Variants in ACSS1 observed in about 807,000 individuals in gnomAD.
The protein encoded by ACSS1 is acyl-CoA synthetase short chain family member 1, also known as acetyl-coenzyme A synthetase 2-like, mitochondrial.
Under a neutral mutation model 75.3 loss-of-function variants are expected in ACSS1, and 42 were observed. That is an observed-to-expected ratio of 0.56 (90% CI 0.44 to 0.72). The LOEUF (loss-of-function observed/expected upper bound fraction) is 0.72, where lower values mean the gene tolerates loss of function less well. Ranked by LOEUF, ACSS1 falls within the 30% of genes least tolerant of loss-of-function variation. ACSS1 has a pLI of 0.00. For missense variants in ACSS1, 782 were observed against 935.7 expected, an observed-to-expected ratio of 0.84 and a Z score of 2.14; for synonymous variants, 380 against 376.8, an observed-to-expected ratio of 1.01 and a Z score of -0.10.
chr20:25,036,152 G>A lies in ACSS1; in HGVS notation c.432-5194C>T, dbSNP rs139627887. ...ATAACACTTGTTGTTCAGGTACTGA[G>A]CAGGATATTTAGGTTTGTCTGCAGT... On this transcript the variant is annotated intron_variant, in intron 2 of 13. Transcript: ENST00000323482. 4.8e-3 allele frequency among the ~76,000 whole-genome samples: 730 copies of A among 152,314 alleles called. 6 individuals are homozygous for A. Among genetic ancestry groups the A allele is most frequent in the Non-Finnish European group, 8.0e-3 (544 of 68,026 alleles).
rs866156532 is a variant in ACSS1 at position 25,041,175 on chromosome 20, G to A, written c.431+6910C>T. Among the ~76,000 whole-genome samples, 147 of 151,582 alleles carry A rather than the reference G, an allele frequency of 9.7e-4. No homozygotes were observed. The Middle Eastern group carries it at 0.014, about 14-fold the overall frequency. ...CAGGAGGCTGAGGCAGGAGAATGGC[G>A]TGAACCCAGGAGGCGGAGCTTTCAG... On this transcript the variant is annotated intron_variant, in intron 2 of 13. Coordinates refer to ENST00000323482, the MANE Select transcript of ACSS1 (RefSeq NM_032501.4).
chr20:25,020,049 T>C lies in ACSS1; in HGVS notation c.1207A>G (p.Lys403Glu), dbSNP rs145940774. ...LLLKYGDAWV[K>E]KYDRSSLRTL... Reference sequence around the variant, plus strand: ...CGCAGGGAGGAGCGATCATACTTCTTCACCCAGGCATCACCGTATTTCAGC... The same window carrying C: ...CGCAGGGAGGAGCGATCATACTTCTCCACCCAGGCATCACCGTATTTCAGC... Residue 403 changes from lysine (K) to glutamate (E), a missense_variant, in exon 7 of 14, where the codon AAG becomes GAG. Coordinates refer to ENST00000323482, the MANE Select transcript of ACSS1 (RefSeq NM_032501.4). 4 of 1,614,078 alleles carry C rather than the reference T, an allele frequency of 2.5e-6. No homozygotes were observed. The African/African-American group carries it at 5.3e-5, about 22-fold the overall frequency.
intron 5 of ACSS1, among the ~76,000 whole-genome samples, chr20:25,022,040 T>TA (rs1242491828): frequency 1.3e-5 from 2 of 152,028 alleles, no homozygotes; most frequent in African/African-American, 4.8e-5. Flanking sequence ...AGCATAGGCT[T>TA]AAAAAGACTT....
rs202004508 is a variant in ACSS1, at chr20:25,014,028, G to A, written c.1385C>T (p.Ala462Val). 4.0e-4 allele frequency: 643 copies of A among 1,613,378 alleles called. 1 individual carries two copies. The highest frequency in any genetic ancestry group is 5.0e-4 in the Non-Finnish European group (590 of 1,179,830). ...CATCGCCATGGCAGGGAGGATTTCC[G>A]CCCCTTCTTCCGAGGGCCGTGGTGC... ...CIAPRPSEEG[A>V]EILPAMAMRP... The change falls in exon 9 of 14, where the codon GCG becomes GTG. Residue 462 changes from alanine to valine, a missense_variant. Around this residue, in one of 2 missense-constraint regions of ACSS1, gnomAD observed 405 missense variants for 552.6 expected, o/e 0.73. Coordinates refer to ENST00000323482, the MANE Select transcript of ACSS1 (RefSeq NM_032501.4).
At chr20:25,047,412 A>T (rs1315759183) in intron 2 of ACSS1, among the ~76,000 whole-genome samples, 1 of 152,056 alleles carries the variant, frequency 6.6e-6, no homozygotes, top group African/African-American at 2.4e-5. Context: ...ATTAGCTCAC[A>T]GTGGCCACCC....
chr20:25,037,259 G>A (rs546478136), intron 2 of ACSS1, among the ~76,000 whole-genome samples: 7 of 152,198 alleles, frequency 4.6e-5, no homozygotes, highest in East Asian at 1.9e-4. Context: ...GCAAATGGGC[G>A]CAGCAGGTGA....
intron 3 of ACSS1, among the ~76,000 whole-genome samples, chr20:25,027,524 T>C (rs1270852372): frequency 6.6e-6 from 1 of 151,874 alleles, no homozygotes; most frequent in Non-Finnish European, 1.5e-5. Flanking sequence ...ACTACTACAA[T>C]GAAGGAAAAA....
At chr20:25,009,466 G>C in intron 12 of ACSS1, 78 bp from the exon 13 acceptor site, 1 of 1,170,330 alleles carries the variant, frequency 8.5e-7, no homozygotes, top group South Asian at 1.3e-5. Context: ...GCTATGCACA[G>C]ACTGCCAGAA....
At chr20:25,043,435 C>A (rs1306287171) in intron 2 of ACSS1, among the ~76,000 whole-genome samples, 1 of 152,238 alleles carries the variant, frequency 6.6e-6, no homozygotes, top group Admixed American at 6.5e-5. Context: ...GGTGAACGGC[C>A]AGGCCCTGTC....
At position 25,015,130 on chromosome 20, in the gene ACSS1, C is replaced by T. The variant is rs1448783442; in HGVS notation, c.1339+8G>A. On this transcript the variant is annotated splice_region_variant and intron_variant, in intron 8 of 13. Transcript: ENST00000323482. Reference sequence around the variant, plus strand: ...TTAGACCGGAACCTGTTCCCCAGGCCTCCTCACCTGTCTGCCACCAGGTGT... The same window carrying T: ...TTAGACCGGAACCTGTTCCCCAGGCTTCCTCACCTGTCTGCCACCAGGTGT... 1.2e-6 allele frequency: 2 copies of T among 1,607,152 alleles called. No homozygotes were observed. Among genetic ancestry groups the T allele is most frequent in the African/African-American group, 1.3e-5 (1 of 74,714 alleles).
At chr20:25,021,147 G>A (rs1305607633) in intron 6 of ACSS1, among the ~76,000 whole-genome samples, 1 of 152,238 alleles carries the variant, frequency 6.6e-6, no homozygotes, top group African/African-American at 2.4e-5. Flanking sequence ...GGGCAGGAGT[G>A]CAGGAGCAGG....
At chr20:25,025,231 C>A (rs1568836949) in intron 3 of ACSS1, among the ~76,000 whole-genome samples, 2 of 152,204 alleles carry the variant, frequency 1.3e-5, no homozygotes, top group Non-Finnish European at 1.5e-5. Flanking sequence ...AGGCGCACAC[C>A]TCACTCCTGA....
rs1311617029 is a variant in ACSS1 at position 25,006,647 on chromosome 20, C to T, written c.*1115G>A. The T allele has an allele frequency of 1.6e-5, 11 of 672,092 alleles. No homozygotes were observed. Among genetic ancestry groups the T allele is most frequent in the Non-Finnish European group, 2.6e-5 (11 of 420,670 alleles). The allele number at this position is 672,092 out of a possible 1,614,324, so 41.6% of individuals were successfully genotyped here. ...CACTGGGCCTCCTTCCCCTGCCAAC[C>T]GCCAGCCCCTGCATGCCTAGCAGGG... On this transcript the variant is annotated 3_prime_UTR_variant, in exon 14 of 14. Coordinates refer to ENST00000323482, the MANE Select transcript of ACSS1 (RefSeq NM_032501.4).
chr20:25,007,211 C>T lies in ACSS1; in HGVS notation c.*551G>A. The stretch of plus-strand genomic sequence containing the variant: ...AATAATTAAAAATGTGGCCTCTGAT[C>T]CTCATGTTTCCTCACCAGTAGAGGC... On this transcript the variant is annotated 3_prime_UTR_variant, in exon 14 of 14. Transcript: ENST00000323482. 8.3e-7 allele frequency: 1 copy of T among 1,206,142 alleles called. No homozygotes were observed. The highest frequency in any genetic ancestry group is 1.0e-6 in the Non-Finnish European group (1 of 967,284). 74.7% of individuals were successfully genotyped at this position (1,206,142 alleles called of 1,614,324 possible).
Position 25,009,288 on chromosome 20 carries a change from A to G in ACSS1, c.1872T>C (p.Ala624=). The change falls in exon 13 of 14, where the codon GCT becomes GCC. Residue 624 remains alanine (A), a synonymous_variant. Transcript: ENST00000323482. Reference sequence around the variant, plus strand: ...CACTCACCAGGATCTCATCAGGCACAGCATATTTGGCGATCTTGGTGGCCA... The same window carrying G: ...CACTCACCAGGATCTCATCAGGCACGGCATATTTGGCGATCTTGGTGGCCA... ...SMVATKIAKY[A]VPDEILVVKR... 6.2e-7 allele frequency: 1 copy of G among 1,613,768 alleles called. No homozygotes were observed. Among genetic ancestry groups the G allele is most frequent in the Non-Finnish European group, 8.5e-7 (1 of 1,179,594 alleles).
intron 13 of ACSS1, among the ~76,000 whole-genome samples, chr20:25,008,379 G>A (rs949969951): frequency 2.6e-5 from 4 of 152,250 alleles, no homozygotes; most frequent in Non-Finnish European, 5.9e-5. Flanking sequence ...AAGCTAACAT[G>A]GAGCATGCTC....
Position 25,013,599 on chromosome 20 carries a change from T to C in ACSS1, c.1516A>G (p.Met506Val). The change falls in exon 10 of 14, where the codon ATG (methionine) becomes GTG (valine). Residue 506 changes from methionine to valine, a missense_variant. Physicochemically the swap from Met to Val is conservative, Grantham distance 21. Coordinates refer to ENST00000323482, the MANE Select transcript of ACSS1 (RefSeq NM_032501.4). ...ALCISQAWPG[M>V]ARTIYGDHQR... is the part of the protein sequence containing the mutation. Reference sequence around the variant, plus strand: ...TGGTCGCCATAGATGGTCCTGGCCATGCCCGGCCAGGCCTGGGAGATGCAC... The same window carrying C: ...TGGTCGCCATAGATGGTCCTGGCCACGCCCGGCCAGGCCTGGGAGATGCAC... 6.2e-7 allele frequency: 1 copy of C among 1,611,124 alleles called. No individual in the cohort carries two copies. Among genetic ancestry groups the C allele is most frequent in the Non-Finnish European group, 8.5e-7 (1 of 1,178,056 alleles).
At chr20:25,034,477 C>T (rs1026858687) in intron 2 of ACSS1, among the ~76,000 whole-genome samples, 2 of 152,180 alleles carry the variant, frequency 1.3e-5, no homozygotes, top group East Asian at 1.9e-4. Flanking sequence ...TCTCAGTAGA[C>T]ACCCCCAGAC....
rs540511586 is a variant in ACSS1 at position 25,056,850 on chromosome 20, A to G, written c.334+919T>C. On this transcript the variant is annotated intron_variant, in intron 1 of 13. Coordinates refer to ENST00000323482, the MANE Select transcript of ACSS1 (RefSeq NM_032501.4). ...CTGCCAGCCCCTCCCCGCAGGCCCC[A>G]CACCCAGGCCCACCCTGCATCCGGA... is the stretch of plus-strand genomic sequence containing the variant. Among the ~76,000 whole-genome samples the G allele has an allele frequency of 5.9e-5, 9 of 152,048 alleles. No homozygotes were observed. The East Asian group carries it at 1.7e-3, about 30-fold the overall frequency.
Sources: allele counts gnomAD v4.1 joint callset (sites outside exome capture counted in the v4.1 genomes callset), GRCh38; gene constraint gnomAD v4.1.1; regional missense constraint gnomAD v4.1.1; transcripts MANE v1.5; gene names NCBI Gene and HGNC (gene_info 2026-07-23, HGNC 2026-07-21).